The following FBXL13 variants were observed in gnomAD, a reference collection of about 807,000 sequenced individuals.
FBXL13 encodes the protein F-box and leucine-rich repeat protein 13.
In FBXL13, 67 loss-of-function variants were observed where a neutral mutation model predicts 83.6. The ratio of observed to expected loss-of-function variants is 0.80; its 90% CI spans 0.66 to 0.98. The LOEUF (loss-of-function observed/expected upper bound fraction) is 0.98. Among genes scored for constraint, FBXL13 ranks in the 50% least tolerant of loss-of-function variants. FBXL13 has a pLI of 0.00. For missense variants in FBXL13, 822 were observed against 866.5 expected (o/e 0.95, Z 0.64); for synonymous variants, 272 against 299.5 (o/e 0.91, Z 0.95).
intron 16 of FBXL13, among the ~76,000 whole-genome samples, chr7:102,859,459 G>C (rs1292622182): frequency 6.6e-6 from 1 of 152,034 alleles, no homozygotes; most frequent in Admixed American, 6.6e-5. Context: ...GAGCCAGCAA[G>C]GTAAATATTC....
chr7:103,055,685 C>A (rs1563280450), exon 2 of FBXL13: 1 of 1,285,976 alleles, frequency 7.8e-7, no homozygotes, highest in Non-Finnish European at 1.0e-6. Flanking sequence ...TAACCATGAT[C>A]ATTCCCTCTA....
In FBXL13 at chr7:102,911,021, A is replaced by C. The variant is rs1916992; in HGVS notation, c.1008+2065T>G. On this transcript the variant is annotated intron_variant, in intron 11 of 19. Transcript: ENST00000313221. Reference sequence around the variant, plus strand: ...AGTAATCCTTCTGCCTCAGCCTCCCAAAATGCCAGGACTACAGGCATGAGC... The same window carrying C: ...AGTAATCCTTCTGCCTCAGCCTCCCCAAATGCCAGGACTACAGGCATGAGC... 7.4e-3 allele frequency among the ~76,000 whole-genome samples: 1,134 copies of C among 152,246 alleles called. 17 individuals are homozygous for C. Among genetic ancestry groups the C allele is most frequent in the African/African-American group, 0.026 (1,078 of 41,550 alleles).
intron 15 of FBXL13, 31 bp from the exon 17 acceptor site, chr7:102,877,624 CTGTCAATCATAT>C (rs919782337): frequency 8.8e-6 from 14 of 1,591,400 alleles, no homozygotes; most frequent in Non-Finnish European, 1.0e-5. Context: ...TTAATTTTAG[CTGTCAATCATAT>C]TGTCAGTAAG....
At chr7:102,813,484 T>C in exon 20 of FBXL13, 2 of 1,614,174 alleles carry the variant, frequency 1.2e-6, no homozygotes, top group Non-Finnish European at 1.7e-6. Flanking sequence ...GTCATTAGTG[T>C]TGTATTCCTG....
intron 8 of FBXL13, chr7:102,934,354 A>G (rs768188919): frequency 2.5e-5 from 41 of 1,614,154 alleles, no homozygotes; most frequent in Non-Finnish European, 3.3e-5. Context: ...TGACGGAGGA[A>G]GTGTTCATTT....
chr7:102,819,985 G>C (rs1344649255), intron 19 of FBXL13, among the ~76,000 whole-genome samples: 1 of 152,084 alleles, frequency 6.6e-6, no homozygotes, highest in South Asian at 2.1e-4. Flanking sequence ...TTGAGGCCAG[G>C]GTATTTCAGG....
chr7:102,879,838 C>T (rs937047223), intron 14 of FBXL13, among the ~76,000 whole-genome samples: 4 of 152,182 alleles, frequency 2.6e-5, no homozygotes, highest in African/African-American at 9.7e-5. Context: ...TCCCGAGTAG[C>T]TAGGACTACA....
At chr7:103,019,488 G>A (rs1370396925) in intron 6 of FBXL13, among the ~76,000 whole-genome samples, 1 of 152,180 alleles carries the variant, frequency 6.6e-6, no homozygotes, top group Non-Finnish European at 1.5e-5. Flanking sequence ...CAGAACTGAA[G>A]GAGATAGAGA....
chr7:102,974,369 G>A (rs1453272175), intron 6 of FBXL13, among the ~76,000 whole-genome samples: 1 of 152,044 alleles, frequency 6.6e-6, no homozygotes, highest in African/African-American at 2.4e-5. Flanking sequence ...CAGCCTGGGC[G>A]ACAGAGTGAG....
intron 6 of FBXL13, among the ~76,000 whole-genome samples, chr7:103,003,925 A>C (rs1407976979): frequency 6.6e-6 from 1 of 152,160 alleles, no homozygotes; most frequent in African/African-American, 2.4e-5. Flanking sequence ...TCTCCTTGTT[A>C]CATTTCTCTG....
chr7:102,995,629 A>C (rs1789680802), intron 6 of FBXL13, among the ~76,000 whole-genome samples: 1 of 151,358 alleles, frequency 6.6e-6, no homozygotes, highest in African/African-American at 2.4e-5. Context: ...TCTACTAAGA[A>C]TACAAAAATT....
intron 6 of FBXL13, among the ~76,000 whole-genome samples, chr7:103,004,680 G>T (rs1165001335): frequency 6.6e-6 from 1 of 152,168 alleles, no homozygotes; most frequent in Non-Finnish European, 1.5e-5. Context: ...GAGTTGCAGA[G>T]GAATTTTCTG....
intron 7 of FBXL13, among the ~76,000 whole-genome samples, chr7:102,964,390 C>CTATATATATATGTGTGTGTATA (rs1563159810): frequency 7.1e-6 from 1 of 140,468 alleles, no homozygotes; most frequent in African/African-American, 2.7e-5. Context: ...AATTTTGTGA[C>CTATATATATATGTGTGTGTATA]TATATATATA....
chr7:102,903,739 T>G (rs1314808944), intron 11 of FBXL13, among the ~76,000 whole-genome samples: 1 of 152,112 alleles, frequency 6.6e-6, no homozygotes, highest in Non-Finnish European at 1.5e-5. Flanking sequence ...ATGGTTTTTA[T>G]CCTTCATTCT....
intron 6 of FBXL13, chr7:102,987,992 C>T (rs1175023714): frequency 6.6e-6 from 1 of 152,092 alleles, no homozygotes; most frequent in Non-Finnish European, 1.5e-5. Context: ...GAGTAAACAG[C>T]ATATAACTAT....
chr7:102,841,117 C>T (rs1405628326), intron 17 of FBXL13, among the ~76,000 whole-genome samples: 2 of 152,110 alleles, frequency 1.3e-5, no homozygotes, highest in Non-Finnish European at 2.9e-5. Flanking sequence ...TGAGCAAAGC[C>T]TAGGTGTGTC....
At chr7:102,931,002 A>C (rs1384321029) in intron 9 of FBXL13, among the ~76,000 whole-genome samples, 1 of 152,204 alleles carries the variant, frequency 6.6e-6, no homozygotes, top group Non-Finnish European at 1.5e-5. Context: ...GAAGGAAGCC[A>C]AAACCCTATG....
At chr7:102,981,239 G>A (rs1828174951) in intron 6 of FBXL13, among the ~76,000 whole-genome samples, 1 of 152,144 alleles carries the variant, frequency 6.6e-6, no homozygotes, top group Non-Finnish European at 1.5e-5. Flanking sequence ...AGCATACAGA[G>A]AAAGAACAAA....
At chr7:102,960,962 G>A (rs1201664478) in intron 8 of FBXL13, among the ~76,000 whole-genome samples, 39 of 151,298 alleles carry the variant, frequency 2.6e-4, no homozygotes, top group Middle Eastern at 6.8e-3. Flanking sequence ...CCTATTCAAC[G>A]TAGTGTTGGA....
Sources: gnomAD v4.1 joint callset for allele counts (sites outside exome capture counted in the v4.1 genomes callset) on GRCh38, gnomAD v4.1.1 for gene constraint, MANE v1.5 for transcripts, NCBI Gene and HGNC (gene_info 2026-07-23, HGNC 2026-07-21) for gene names.